The following HDAC4 variants were observed in gnomAD, a reference collection of about 807,000 sequenced individuals.
HDAC4 encodes histone deacetylase 4, also known as histone deacetylase A.
Under a neutral mutation model 135.1 loss-of-function variants are expected in HDAC4, and 16 were observed. That is an observed-to-expected ratio of 0.12 (90% CI 0.08 to 0.18). HDAC4 has a LOEUF of 0.18. Among genes scored for constraint, HDAC4 ranks in the 10% least tolerant of loss-of-function variants. The pLI is 1.00. For missense variants in HDAC4, 1,143 were observed against 1,511.8 expected, an observed-to-expected ratio of 0.76 and a Z score of 4.05; for synonymous variants, 685 against 653.4, an observed-to-expected ratio of 1.05 and a Z score of -0.74.
intron 10 of HDAC4, 42 bp from the exon 11 acceptor site, chr2:239,134,485 A>AC (rs2040814830): frequency 6.2e-7 from 1 of 1,612,576 alleles, no homozygotes; most frequent in Non-Finnish European, 8.5e-7. Context: ...AGGACCCATC[A>AC]CCACCACCCC....
chr2:239,385,295 G>T (rs1214220445), intron 1 of HDAC4, among the ~76,000 whole-genome samples: 1 of 152,260 alleles, frequency 6.6e-6, no homozygotes, highest in Non-Finnish European at 1.5e-5. Context: ...GTACATGGGG[G>T]CACACAGCGG....
At chr2:239,399,094 C>T (rs1297424845) in intron 1 of HDAC4, among the ~76,000 whole-genome samples, 5 of 152,174 alleles carry the variant, frequency 3.3e-5, no homozygotes, top group Admixed American at 1.3e-4. Flanking sequence ...GGGAAAGATG[C>T]CACAGATCCC....
chr2:239,134,901 T>C (rs2040844577), intron 9 of HDAC4, among the ~76,000 whole-genome samples: 1 of 152,236 alleles, frequency 6.6e-6, no homozygotes, highest in Admixed American at 6.5e-5. Context: ...ATCTCGTTGA[T>C]TTCTATTCAG....
At chr2:239,246,294 A>C (rs535042690) in intron 2 of HDAC4, among the ~76,000 whole-genome samples, 1 of 152,286 alleles carries the variant, frequency 6.6e-6, no homozygotes, top group South Asian at 2.1e-4. Flanking sequence ...GTGGCAGTGG[A>C]AACACAGCAC....
intron 4 of HDAC4, among the ~76,000 whole-genome samples, chr2:239,177,455 A>G (rs1335335519): frequency 6.6e-6 from 1 of 152,096 alleles, no homozygotes; most frequent in African/African-American, 2.4e-5. Flanking sequence ...AAGGATGAAA[A>G]TCAGAAGAAG....
Position 239,307,287 on chromosome 2 carries a change from G to A in HDAC4, c.22+45391C>T, listed in dbSNP as rs1311624428. On this transcript the variant is annotated intron_variant, in intron 2 of 26. Coordinates refer to ENST00000543185, the MANE Select transcript of HDAC4 (RefSeq NM_001378414.1). The surrounding 1 kb of genome is among the most constrained non-coding windows in gnomAD (Gnocchi z 4.8). The stretch of plus-strand genomic sequence containing the variant: ...GCTCAGGACCCTCAGGGGACCATGG[G>A]CTACTTTCAGAAACAAGAGGGTGTT... 6.6e-6 allele frequency among the ~76,000 whole-genome samples: 1 copy of A among 152,070 alleles called. No individual in the cohort carries two copies.
chr2:239,190,178 G>A (rs1003891055), intron 3 of HDAC4, 101 bp from the exon 4 acceptor site: 3 of 1,438,360 alleles, frequency 2.1e-6, no homozygotes, highest in Non-Finnish European at 2.8e-6. Flanking sequence ...ACGGGGCGGG[G>A]GGGGGGTTGT....
rs531382282 is a variant in HDAC4 at position 239,351,974 on chromosome 2, G to A, written c.22+704C>T. On this transcript the variant is annotated intron_variant, in intron 2 of 26. Transcript: ENST00000543185. ...CAGGCAGGTCGGCGGCAGGCCTCGAGGTTTCATTATGGTGCACGCTCTCGG... is the reference window on the plus strand; with the variant it reads ...CAGGCAGGTCGGCGGCAGGCCTCGAAGTTTCATTATGGTGCACGCTCTCGG... Among the ~76,000 whole-genome samples, 28 of 152,208 alleles carry A rather than the reference G, an allele frequency of 1.8e-4. No individual in the cohort carries two copies. In the South Asian group the frequency reaches 5.4e-3, roughly 29 times the overall value.
intron 3 of HDAC4, among the ~76,000 whole-genome samples, chr2:239,225,446 G>A (rs1157379777): frequency 6.6e-6 from 1 of 152,260 alleles, no homozygotes; most frequent in Non-Finnish European, 1.5e-5. Flanking sequence ...GCAGATCCAC[G>A]AAGGCAGAAG....
intron 24 of HDAC4, among the ~76,000 whole-genome samples, chr2:239,055,747 T>C (rs1328026860): frequency 6.8e-6 from 1 of 147,908 alleles, no homozygotes; most frequent in Non-Finnish European, 1.5e-5. Flanking sequence ...TGAAATGGAT[T>C]ATAAAAATAT....
intron 1 of HDAC4, among the ~76,000 whole-genome samples, chr2:239,398,812 AC>A (rs1696736893): frequency 6.6e-6 from 1 of 151,656 alleles, no homozygotes; most frequent in Non-Finnish European, 1.5e-5. Flanking sequence ...TCTTCCCTCC[AC>A]CCCGTCCCCT....
At chr2:239,315,190 A>T (rs1241771544) in intron 2 of HDAC4, among the ~76,000 whole-genome samples, 1 of 152,140 alleles carries the variant, frequency 6.6e-6, no homozygotes, top group Non-Finnish European at 1.5e-5. Flanking sequence ...GCGTTTCTGG[A>T]CTGGACCAAT....
intron 2 of HDAC4, among the ~76,000 whole-genome samples, chr2:239,295,164 A>G (rs11124189): frequency 0.52 from 77,800 of 150,264 alleles, 21,056 homozygotes; most frequent in East Asian, 0.86. Context: ...AAAATTAGCC[A>G]GGCGTAGTGG....
At position 239,100,470 on chromosome 2, in the gene HDAC4, C is replaced by T. The variant is rs114396030; in HGVS notation, c.2233+2306G>A. ...GTCCACGTTACGTGGATGTGGCATC[C>T]TCTCTGAGGGTGCTAATGGCAGCTG... is the stretch of plus-strand genomic sequence containing the variant. On this transcript the variant is annotated intron_variant, in intron 16 of 26. Coordinates refer to ENST00000543185, the MANE Select transcript of HDAC4 (RefSeq NM_001378414.1). Among the ~76,000 whole-genome samples, 309 of 152,336 alleles carry T rather than the reference C, an allele frequency of 2.0e-3. 2 individuals are homozygous for T. Among genetic ancestry groups the T allele is most frequent in the African/African-American group, 6.7e-3 (280 of 41,578 alleles).
At chr2:239,374,069 CT>C (rs1489226483) in intron 1 of HDAC4, among the ~76,000 whole-genome samples, 1 of 152,196 alleles carries the variant, frequency 6.6e-6, no homozygotes, top group Non-Finnish European at 1.5e-5. Flanking sequence ...TCAAGCCCCT[CT>C]AAGGAGGGAC....
chr2:239,092,889 T>G (rs2036650496), intron 17 of HDAC4, among the ~76,000 whole-genome samples: 1 of 152,010 alleles, frequency 6.6e-6, no homozygotes, highest in Non-Finnish European at 1.5e-5. Flanking sequence ...TCTCTCTCTC[T>G]CGCTTCTCTC....
chr2:239,061,723 T>C (rs1263287288), intron 24 of HDAC4, among the ~76,000 whole-genome samples: 1 of 152,214 alleles, frequency 6.6e-6, no homozygotes, highest in Non-Finnish European at 1.5e-5. Context: ...TTGTTAGAGC[T>C]GTTTCACAAC....
chr2:239,274,526 G>A (rs945820298), intron 2 of HDAC4, among the ~76,000 whole-genome samples: 4 of 152,206 alleles, frequency 2.6e-5, no homozygotes, highest in Admixed American at 1.3e-4. Flanking sequence ...TAGGAAACTA[G>A]GACAACAGCT....
chr2:239,051,437 G>A lies in HDAC4; in HGVS notation c.*1660C>T, dbSNP rs1256697996. 2 of 152,264 alleles carry A rather than the reference G, an allele frequency of 1.3e-5. No homozygotes were observed. The highest frequency in any genetic ancestry group is 6.5e-5 in the Admixed American group (1 of 15,282). 9.4% of individuals were successfully genotyped at this position (152,264 alleles called of 1,614,324 possible). A position where few individuals can be genotyped will look rare whatever the true frequency, so the allele number is the denominator to read the frequency against. On this transcript the variant is annotated 3_prime_UTR_variant, in exon 27 of 27. Transcript: ENST00000543185. ...TTGAAAGGTAAAAAAAAATGTACAAGCAAGAATTCAGAAAGGAAAAAGATT... is the reference window on the plus strand; with the variant it reads ...TTGAAAGGTAAAAAAAAATGTACAAACAAGAATTCAGAAAGGAAAAAGATT...
Sources: allele counts gnomAD v4.1 joint callset (sites outside exome capture counted in the v4.1 genomes callset), GRCh38; gene constraint gnomAD v4.1.1; non-coding constraint Gnocchi (gnomAD v3.1); transcripts MANE v1.5; gene names NCBI Gene and HGNC (gene_info 2026-07-23, HGNC 2026-07-21).